The following MYH4 variants were observed in gnomAD, a reference collection of about 807,000 sequenced individuals.
MYH4 encodes myosin heavy chain 4, also known as myosin-4.
In MYH4, 200 loss-of-function variants were observed where a neutral mutation model predicts 229.9. The observed-to-expected ratio is 0.87, with a 90% confidence interval of 0.78 to 0.98. The LOEUF (loss-of-function observed/expected upper bound fraction) is 0.98, where lower values mean the gene tolerates loss of function less well. Ranked by LOEUF, MYH4 falls within the 50% of genes least tolerant of loss-of-function variation. The pLI is 0.00. For synonymous variants in MYH4, 761 were observed against 834.6 expected, an observed-to-expected ratio of 0.91 and a Z score of 1.52; for missense variants, 2,148 against 2,332.6, an observed-to-expected ratio of 0.92 and a Z score of 1.63.
rs759064733 is a variant in MYH4, at chr17:10,455,614, C to T, written c.2174G>A (p.Arg725Lys). 1 of 1,613,860 alleles carries T rather than the reference C, an allele frequency of 6.2e-7. No homozygotes were observed. Among genetic ancestry groups the T allele is most frequent in the Non-Finnish European group, 8.5e-7 (1 of 1,179,824 alleles). The change falls in exon 19 of 40, where the codon AGA becomes AAA. Residue 725 changes from arginine (R) to lysine (K), a missense_variant and splice_region_variant. Transcript: ENST00000255381. ...SRILYADFKQ[R>K]YKVLNASAIP... ...AAGGGAAAAATAATGAGACACAAAC[C>T]TCTGTTTGAAGTCTGCATAAAGGAT...
chr17:10,445,132 A>T lies in MYH4; in HGVS notation c.5310T>A (p.Ala1770=). ...TGTCCTGTTCCTTCTTCAGCTCCTCAGCCATCATGGCAGCCTAGTTAGCAA... is the reference window on the plus strand; with the variant it reads ...TGTCCTGTTCCTTCTTCAGCTCCTCTGCCATCATGGCAGCCTAGTTAGCAA... The part of the protein sequence containing the change: ...KKAITDAAMM[A]EELKKEQDTS... The change falls in exon 37 of 40, where the codon GCT becomes GCA. Residue 1770 remains alanine (A), a synonymous_variant. Transcript: ENST00000255381. The T allele has an allele frequency of 5.6e-6, 9 of 1,614,142 alleles. No individual in the cohort carries two copies. The highest frequency in any genetic ancestry group is 7.6e-6 in the Non-Finnish European group (9 of 1,180,024).
At position 10,454,784 on chromosome 17, in the gene MYH4, T is replaced by C. The variant is rs1211411768; in HGVS notation, c.2462A>G (p.Asn821Ser). The stretch of plus-strand genomic sequence containing the variant: ...CTTCACATTCATGAAAGCACGGATG[T>C]TGTACTGAATGCAGAAGATGGACTC... Reference protein sequence around the residue: ...RRESIFCIQYNIRAFMNVKHW... With the variant: ...RRESIFCIQYSIRAFMNVKHW... Residue 821 changes from asparagine to serine, a missense_variant, in exon 22 of 40, where the codon AAC becomes AGC. Coordinates refer to ENST00000255381, the MANE Select transcript of MYH4 (RefSeq NM_017533.2). 6.2e-7 allele frequency: 1 copy of C among 1,614,120 alleles called. No individual in the cohort carries two copies. The highest frequency in any genetic ancestry group is 1.1e-5 in the South Asian group (1 of 91,068).
intron 35 of MYH4, among the ~76,000 whole-genome samples, chr17:10,445,858 C>T (rs554754126): frequency 1.3e-5 from 2 of 151,940 alleles, no homozygotes; most frequent in South Asian, 2.1e-4. Flanking sequence ...GAAACCCCGT[C>T]TCTACTAAAA....
rs1468892237 is a variant in MYH4, at chr17:10,468,286, T to C, written c.-40+1002A>G. On this transcript the variant is annotated intron_variant, in intron 2 of 39. Transcript: ENST00000255381. ...TATCCAGGAAACACAGAAAGATGAT[T>C]GCTACCCTTCCCATCTCCTGTCTTA... 3.9e-5 allele frequency among the ~76,000 whole-genome samples: 6 copies of C among 152,310 alleles called. No homozygotes were observed. The East Asian group carries it at 1.2e-3, about 29-fold the overall frequency.
intron 16 of MYH4, 54 bp downstream of exon 16, chr17:10,457,366 C>T (rs2072652137): frequency 1.3e-6 from 2 of 1,517,010 alleles, no homozygotes; most frequent in Admixed American, 4.2e-5. Flanking sequence ...CTCTGTTGAA[C>T]AGTGTATATC....
In MYH4 at chr17:10,453,833, G is replaced by C; in HGVS notation, c.2744C>G (p.Thr915Ser). Residue 915 changes from threonine to serine, a missense_variant, in exon 23 of 40, where the codon ACC becomes AGC. Coordinates refer to ENST00000255381, the MANE Select transcript of MYH4 (RefSeq NM_017533.2). ...GATTTTGGCCTCAAGTTGGATTTTG[G>C]TTTTAATCAACTGATCACATCTTTC... ...AEERCDQLIK[T>S]KIQLEAKIKE... The C allele has an allele frequency of 6.2e-7, 1 of 1,614,058 alleles. No individual in the cohort carries two copies. Among genetic ancestry groups the C allele is most frequent in the Non-Finnish European group, 8.5e-7 (1 of 1,180,012 alleles).
Position 10,443,803 on chromosome 17 carries a change from C to T in MYH4, c.5668-276G>A, listed in dbSNP as rs2072482162. On this transcript the variant is annotated intron_variant, in intron 39 of 39. Transcript: ENST00000255381. This position sits in a 1 kb window ranked among gnomAD's most constrained non-coding sequence, Gnocchi z 4.6. The stretch of plus-strand genomic sequence containing the variant: ...TGGTGGATGCCTGTAATTCCAGCTA[C>T]TCAGGAGGCTGAGGCAGGAGAATCT... Among the ~76,000 whole-genome samples the T allele has an allele frequency of 6.6e-6, 1 of 151,886 alleles. No individual in the cohort carries two copies. The highest frequency in any genetic ancestry group is 2.1e-4 in the South Asian group (1 of 4,818).
Position 10,457,725 on chromosome 17 carries a change from A to T in MYH4, c.1592T>A (p.Met531Lys). Reference sequence around the variant, plus strand: ...CTCTTCTAGGATGGAGAAGATGCCCATAGGCTAAGAATAGGAAAAAAGGGA... The same window carrying T: ...CTCTTCTAGGATGGAGAAGATGCCCTTAGGCTAAGAATAGGAAAAAAGGGA... Reference protein sequence around the residue: ...AACIELIEKPMGIFSILEEEC... With the variant: ...AACIELIEKPKGIFSILEEEC... The change falls in exon 16 of 40, where the codon ATG (methionine) becomes AAG (lysine). Residue 531 changes from methionine (M) to lysine (K), a missense_variant. Coordinates refer to ENST00000255381, the MANE Select transcript of MYH4 (RefSeq NM_017533.2). 1 of 1,613,386 alleles carries T rather than the reference A, an allele frequency of 6.2e-7. No individual in the cohort carries two copies. Among genetic ancestry groups the T allele is most frequent in the South Asian group, 1.1e-5 (1 of 91,024 alleles).
In MYH4 at chr17:10,454,621, T is replaced by C; in HGVS notation, c.2625A>G (p.Lys875=). 1 of 1,614,230 alleles carries C rather than the reference T, an allele frequency of 6.2e-7. No individual in the cohort carries two copies. Among genetic ancestry groups the C allele is most frequent in the Non-Finnish European group, 8.5e-7 (1 of 1,180,042 alleles). ...GCGTCACCATCTTTTCTTCTAGTTC[T>C]TTCCTTTTTGCCTCTGTCTTAGCCA... is the stretch of plus-strand genomic sequence containing the variant. ...EELAKTEAKR[K]ELEEKMVTLM... Residue 875 remains lysine, a synonymous_variant, in exon 22 of 40, where the codon AAA becomes AAG. Coordinates refer to ENST00000255381, the MANE Select transcript of MYH4 (RefSeq NM_017533.2).
At chr17:10,463,925 C>A (rs1231103740) in intron 7 of MYH4, among the ~76,000 whole-genome samples, 1 of 152,206 alleles carries the variant, frequency 6.6e-6, no homozygotes. Flanking sequence ...ATCTCATTCT[C>A]ATGAGCTCTT....
chr17:10,449,961 T>A (rs1330844614), intron 30 of MYH4, among the ~76,000 whole-genome samples: 1 of 152,188 alleles, frequency 6.6e-6, no homozygotes, highest in African/African-American at 2.4e-5. Flanking sequence ...TCATGACTTG[T>A]AGTCCGCAAA....
In MYH4 at chr17:10,447,338, G is replaced by A. The variant is rs535003069; in HGVS notation, c.4966-122C>T. 5 of 749,378 alleles carry A rather than the reference G, an allele frequency of 6.7e-6. No individual in the cohort carries two copies. The South Asian group carries it at 9.9e-5, about 15-fold the overall frequency. The allele number at this position is 749,378 out of a possible 1,614,324, so 46.4% of individuals were successfully genotyped here. A position where few individuals can be genotyped will look rare whatever the true frequency, so the allele number is the denominator to read the frequency against. ...ATGATTAGATAGGAGCAATCGGCAA[G>A]TACCTTTAATAATAAATTCTTTGTA... On this transcript the variant is annotated intron_variant, in intron 34 of 39. Transcript: ENST00000255381.
In MYH4 at chr17:10,445,338, T is replaced by C; in HGVS notation, c.5194A>G (p.Lys1732Glu). The change falls in exon 36 of 40, where the codon AAG becomes GAG. Residue 1732 changes from lysine (K) to glutamate (E), a missense_variant. Coordinates refer to ENST00000255381, the MANE Select transcript of MYH4 (RefSeq NM_017533.2). ...TQNTSLINTK[K>E]KLETDISQIQ... is the part of the protein sequence containing the mutation. ...TGGGAAATGTCTGTTTCCAGCTTCT[T>C]CTTGGTGTTGATCAGGCTGGTGTTC... 6.2e-7 allele frequency: 1 copy of C among 1,613,994 alleles called. No individual in the cohort carries two copies. The highest frequency in any genetic ancestry group is 8.5e-7 in the Non-Finnish European group (1 of 1,179,990).
At chr17:10,451,745 A>G (rs1477860853) in intron 27 of MYH4, among the ~76,000 whole-genome samples, 196 bp downstream of exon 27, 2 of 152,136 alleles carry the variant, frequency 1.3e-5, no homozygotes, top group East Asian at 3.8e-4. Context: ...TGGTAATAGT[A>G]TCAAAGGTTA....
intron 16 of MYH4, 147 bp downstream of exon 16, chr17:10,457,273 T>C: frequency 1.1e-6 from 1 of 896,168 alleles, no homozygotes; most frequent in East Asian, 2.7e-5. Context: ...TAAGACTGTA[T>C]CACAGTTATT....
rs374316163 is a variant in MYH4, at chr17:10,453,675, C to T, written c.2902G>A (p.Val968Ile). Reference protein sequence around the residue: ...IDDLELTLAKVEKEKHATENK... With the variant: ...IDDLELTLAKIEKEKHATENK... The stretch of plus-strand genomic sequence containing the variant: ...TCTGTGGCATGTTTCTCCTTCTCAA[C>T]CTTGGCCAGTGTCAGCTCAAGGTCA... Residue 968 changes from valine to isoleucine, a missense_variant, in exon 23 of 40, where the codon GTT becomes ATT. By Grantham distance (29) the Val-to-Ile change is conservative. Transcript: ENST00000255381. The T allele has an allele frequency of 1.2e-6, 2 of 1,613,912 alleles. No individual in the cohort carries two copies. The highest frequency in any genetic ancestry group is 8.5e-7 in the Non-Finnish European group (1 of 1,179,996).
rs774280659 is a variant in MYH4, at chr17:10,448,014, A to T, written c.4769T>A (p.Leu1590Gln). The change falls in exon 34 of 40, where the codon CTA becomes CAA. Residue 1590 changes from leucine to glutamine, a missense_variant. Physicochemically the swap from Leu to Gln is moderately radical, Grantham distance 113. Coordinates refer to ENST00000255381, the MANE Select transcript of MYH4 (RefSeq NM_017533.2). ...IAEKDEELDQ[L>Q]KRNHLRVVES... ...CACAACTCTGAGATGGTTCCTCTTTAGCTGATCGAGTTCTTCATCTTTTTC... is the reference window on the plus strand; with the variant it reads ...CACAACTCTGAGATGGTTCCTCTTTTGCTGATCGAGTTCTTCATCTTTTTC... 12 of 1,614,022 alleles carry T rather than the reference A, an allele frequency of 7.4e-6. No individual in the cohort carries two copies. The highest frequency in any genetic ancestry group is 1.0e-5 in the Non-Finnish European group (12 of 1,179,996).
In MYH4 at chr17:10,452,778, C is replaced by T; in HGVS notation, c.3257+9G>A. On this transcript the variant is annotated intron_variant, in intron 25 of 39. Coordinates refer to ENST00000255381, the MANE Select transcript of MYH4 (RefSeq NM_017533.2). The stretch of plus-strand genomic sequence containing the variant: ...CAAGCAGGTTATAGCTGAATTATAC[C>T]ATACTTACTTTTTGAGTTTCTCATT... 1.3e-6 allele frequency: 2 copies of T among 1,597,846 alleles called. No individual in the cohort carries two copies. Among genetic ancestry groups the T allele is most frequent in the Admixed American group, 1.8e-5 (1 of 55,364 alleles).
rs1463556470 is a variant in MYH4, at chr17:10,445,011, C to T, written c.5431G>A (p.Gly1811Ser). ...LDEAEQLALK[G>S]GKKQIQKLEA... ...AGTTTCTGGATCTGCTTCTTCCCAC[C>T]CTTCAGCGCCAGCTGCTCAGCCTCA... The change falls in exon 37 of 40, where the codon GGT becomes AGT. Residue 1811 changes from glycine to serine, a missense_variant. Coordinates refer to ENST00000255381, the MANE Select transcript of MYH4 (RefSeq NM_017533.2). 6.2e-7 allele frequency: 1 copy of T among 1,614,006 alleles called. No individual in the cohort carries two copies. The highest frequency in any genetic ancestry group is 1.3e-5 in the African/African-American group (1 of 74,914).
Sources: gnomAD v4.1 joint callset for allele counts (sites outside exome capture counted in the v4.1 genomes callset) on GRCh38, gnomAD v4.1.1 for gene constraint, Gnocchi (gnomAD v3.1) non-coding constraint, MANE v1.5 for transcripts, NCBI Gene and HGNC (gene_info 2026-07-23, HGNC 2026-07-21) for gene names.